ZNF334: variants seen among roughly 807,000 people sequenced by gnomAD.
The protein encoded by ZNF334 is zinc finger protein 334.
In ZNF334, 14 loss-of-function variants were observed where a neutral mutation model predicts 12.4. The observed-to-expected ratio is 1.13, with a 90% CI of 0.74 to 1.76. ZNF334 has a LOEUF of 1.76. ZNF334 is among the 40% of genes most tolerant of loss of function. The probability of loss-of-function intolerance (pLI) is 0.00; values close to 1 mark genes in which losing one functional copy is unlikely to be tolerated. For synonymous variants in ZNF334, 273 were observed against 269.6 expected, an observed-to-expected ratio of 1.01 and a Z score of -0.12; for missense variants, 797 against 804.5, an observed-to-expected ratio of 0.99 and a Z score of 0.11.
chr20:46,466,530 C>T, the ZNF334 span, among the ~76,000 whole-genome samples: 502 of 152,292 alleles, frequency 3.3e-3, 2 homozygotes, highest in African/African-American at 0.012. Flanking sequence ...GTTGCCCAGA[C>T]TTGAGTGCAG....
At chr20:46,497,119 G>A (rs193205729), downstream of ZNF334, among the ~76,000 whole-genome samples, 39 of 152,268 alleles carry the variant, frequency 2.6e-4, no homozygotes, top group South Asian at 7.3e-3. Context: ...ATGACTTTTG[G>A]GATCTGGGAA....
chr20:46,504,534 T>A, intron 3 of ZNF334, 80 bp downstream of exon 3: 1 of 1,504,218 alleles, frequency 6.6e-7, no homozygotes, highest in Non-Finnish European at 8.9e-7. Context: ...CAGGGCTAAA[T>A]AAATTCTAGA....
the ZNF334 span, among the ~76,000 whole-genome samples, chr20:46,469,959 G>C: frequency 1.3e-5 from 2 of 152,050 alleles, no homozygotes; most frequent in Non-Finnish European, 2.9e-5. Flanking sequence ...CCCTTGGCTG[G>C]TGACTTCTCA....
chr20:46,498,269 G>A (rs1005621412), downstream of ZNF334, among the ~76,000 whole-genome samples: 4 of 152,186 alleles, frequency 2.6e-5, no homozygotes, highest in Non-Finnish European at 5.9e-5. Flanking sequence ...AGGTTGGTCT[G>A]TGTGACCAAT....
the ZNF334 span, chr20:46,491,358 C>A: frequency 6.6e-6 from 1 of 152,628 alleles, no homozygotes; most frequent in African/African-American, 2.4e-5. Flanking sequence ...CACCGTTTCT[C>A]AGAAAAAACT....
At chr20:46,510,339 G>A (rs1184529385) in intron 2 of ZNF334, among the ~76,000 whole-genome samples, 1 of 151,638 alleles carries the variant, frequency 6.6e-6, no homozygotes, top group African/African-American at 2.4e-5. Flanking sequence ...AGGAGGAGAT[G>A]GAAGTGAAAG....
At chr20:46,488,751 T>C in the ZNF334 span, among the ~76,000 whole-genome samples, 1 of 151,828 alleles carries the variant, frequency 6.6e-6, no homozygotes, top group East Asian at 1.9e-4. Flanking sequence ...AAAGGTCTTT[T>C]GTTTGTCTTC....
chr20:46,480,630 C>A, the ZNF334 span, among the ~76,000 whole-genome samples: 1 of 152,172 alleles, frequency 6.6e-6, no homozygotes, highest in Non-Finnish European at 1.5e-5. Flanking sequence ...CTGCATTCCC[C>A]AATCCTTCCT....
At chr20:46,505,201 C>T (rs1386862852) in intron 2 of ZNF334, 1 of 152,522 alleles carries the variant, frequency 6.6e-6, no homozygotes, top group Non-Finnish European at 1.5e-5. Flanking sequence ...TAAGAATATA[C>T]ACAGACACAA....
the ZNF334 span, among the ~76,000 whole-genome samples, chr20:46,467,499 G>C: frequency 6.6e-6 from 1 of 152,212 alleles, no homozygotes; most frequent in Non-Finnish European, 1.5e-5. Context: ...CCTAGGAGTA[G>C]ACATGGAATG....
At position 46,501,783 on chromosome 20, in the gene ZNF334, C is replaced by T; in HGVS notation, c.1556G>A (p.Cys519Tyr). ...RMNTKENLYE[C>Y]SEHGHAVSKN... ...GCTGACGGCATGCCCATGTTCACTA[C>T]ACTCATAAAGATTCTCCTTTGTGTT... The change falls in exon 5 of 5, where the codon TGT becomes TAT. Residue 519 changes from cysteine (C) to tyrosine (Y), a missense_variant. Cys to Tyr is a radical substitution (Grantham distance 194). Transcript: ENST00000692313. The T allele has an allele frequency of 6.2e-7, 1 of 1,614,170 alleles. No individual in the cohort carries two copies. The highest frequency in any genetic ancestry group is 8.5e-7 in the Non-Finnish European group (1 of 1,180,030).
the ZNF334 span, among the ~76,000 whole-genome samples, chr20:46,479,483 A>G: frequency 1.8e-4 from 27 of 152,206 alleles, no homozygotes; most frequent in Non-Finnish European, 2.9e-5. Context: ...CAGCATTAAC[A>G]CTAAAATAGA....
the ZNF334 span, among the ~76,000 whole-genome samples, chr20:46,480,367 G>A: frequency 1.3e-5 from 2 of 152,100 alleles, no homozygotes; most frequent in Non-Finnish European, 2.9e-5. Context: ...TGTCACTGAT[G>A]GGCCATGGGA....
rs763014593 is a variant in ZNF334 at position 46,504,726 on chromosome 20, GA to G, written c.35del (p.Phe12SerfsTer4). ...GGGTGAAGTTCACAGTCAGGTCCTG[GA>G]ATGAAACTGGTATCTGAAAGAAAAT... is the stretch of plus-strand genomic sequence containing the variant. ...KMKKFQIPVS[F>X]QDLTVNFTQE... is the part of the protein sequence containing the mutation. On this transcript the variant is annotated frameshift_variant, in exon 3 of 5. Coordinates refer to ENST00000692313, the MANE Select transcript of ZNF334 (RefSeq NM_001353824.2). LOFTEE classifies it high-confidence loss of function. 1 of 1,606,824 alleles carries G rather than the reference GA, an allele frequency of 6.2e-7. No homozygotes were observed. Among genetic ancestry groups the G allele is most frequent in the Non-Finnish European group, 8.5e-7 (1 of 1,177,486 alleles).
rs1435383735 is a variant in ZNF334 at position 46,503,108 on chromosome 20, G to T, written c.242-11C>A. The T allele has an allele frequency of 1.3e-6, 2 of 1,577,660 alleles. No individual in the cohort carries two copies. The highest frequency in any genetic ancestry group is 1.4e-5 in the African/African-American group (1 of 73,234). On this transcript the variant is annotated splice_polypyrimidine_tract_variant and intron_variant, in intron 4 of 4. Transcript: ENST00000692313. The stretch of plus-strand genomic sequence containing the variant: ...AGGCATCATCAATGTCTAGAAAAAG[G>T]AACACAATTAACGGTAATTGGTGAG...
In ZNF334 at chr20:46,502,494, C is replaced by T. The variant is rs368115464; in HGVS notation, c.845G>A (p.Arg282Gln). 4.5e-5 allele frequency: 72 copies of T among 1,613,456 alleles called. No homozygotes were observed. The highest frequency in any genetic ancestry group is 5.3e-5 in the Non-Finnish European group (63 of 1,179,666). The change falls in exon 5 of 5, where the codon CGA (arginine) becomes CAA (glutamine). Residue 282 changes from arginine to glutamine, a missense_variant. Physicochemically the swap from Arg to Gln is conservative, Grantham distance 43. Coordinates refer to ENST00000692313, the MANE Select transcript of ZNF334 (RefSeq NM_001353824.2). ...CTCTCCAGTATGAATTCTTCGGTGTCGAGTGAGGCTTGTCTTCACACGAAA... is the reference window on the plus strand; with the variant it reads ...CTCTCCAGTATGAATTCTTCGGTGTTGAGTGAGGCTTGTCTTCACACGAAA... The part of the protein sequence containing the change: ...KTFRVKTSLT[R>Q]HRRIHTGERP...
At chr20:46,478,374 A>C in the ZNF334 span, among the ~76,000 whole-genome samples, 1 of 152,204 alleles carries the variant, frequency 6.6e-6, no homozygotes, top group Non-Finnish European at 1.5e-5. Flanking sequence ...AGATTCAAAT[A>C]CTTTCTGACT....
chr20:46,505,439 C>T (rs2061397383), intron 2 of ZNF334: 2 of 153,340 alleles, frequency 1.3e-5, no homozygotes, highest in Non-Finnish European at 1.5e-5. Flanking sequence ...ATCAATAAAG[C>T]TTAATTATTT....
chr20:46,464,813 C>A, the ZNF334 span: 1 of 537,186 alleles, frequency 1.9e-6, no homozygotes, highest in South Asian at 1.4e-5. Flanking sequence ...GTCCTCTGAA[C>A]CCACTCCTAC....
Sources: allele counts gnomAD v4.1 joint callset (sites outside exome capture counted in the v4.1 genomes callset), GRCh38; gene constraint gnomAD v4.1.1; transcripts MANE v1.5; gene names NCBI Gene and HGNC (gene_info 2026-07-23, HGNC 2026-07-21).